The following NUTM1 variants were observed in gnomAD, a reference collection of about 807,000 sequenced individuals.
The protein encoded by NUTM1 is NUT family member 1.
In NUTM1, 39 loss-of-function variants were observed where a neutral mutation model predicts 88.7. The ratio of observed to expected loss-of-function variants is 0.44; its 90% CI spans 0.34 to 0.57. The LOEUF (loss-of-function observed/expected upper bound fraction) is 0.57. Among genes scored for constraint, NUTM1 ranks in the 20% least tolerant of loss-of-function variants. The probability of loss-of-function intolerance (pLI) is 0.01; values close to 1 mark genes in which losing one functional copy is unlikely to be tolerated. For synonymous variants in NUTM1, 494 were observed against 538.0 expected (o/e 0.92, Z 1.13); for missense variants, 1,350 against 1,414.5 (o/e 0.95, Z 0.73).
chr15:34,344,934 C>T lies in NUTM1; in HGVS notation c.7-1008C>T, dbSNP rs150479922. Among the ~76,000 whole-genome samples, 31 of 152,048 alleles carry T rather than the reference C, an allele frequency of 2.0e-4. 1 individual carries two copies. In the East Asian group the frequency reaches 5.4e-3, roughly 27 times the overall value. On this transcript the variant is annotated intron_variant, in intron 1 of 7. Transcript: ENST00000537011. ...TCAGGAGGGTGAGGCAGGACAATGG[C>T]GTGAACCCGGAAGGCGGAGCTTGCA...
chr15:34,354,305 C>A, intron 5 of NUTM1, 141 bp from the exon 6 acceptor site: 2 of 971,812 alleles, frequency 2.1e-6, no homozygotes, highest in Admixed American at 2.2e-5. Flanking sequence ...GCTGAGCTTA[C>A]AGAGCTGGGA....
In NUTM1 at chr15:34,348,137, T is replaced by A. The variant is rs1031832800; in HGVS notation, c.269T>A (p.Met90Lys). 1 of 1,614,198 alleles carries A rather than the reference T, an allele frequency of 6.2e-7. No homozygotes were observed. Among genetic ancestry groups the A allele is most frequent in the African/African-American group, 1.3e-5 (1 of 75,032 alleles). Residue 90 changes from methionine (M) to lysine (K), a missense_variant, in exon 3 of 8, where the codon ATG becomes AAG. Met to Lys is a moderately conservative substitution (Grantham distance 95). This residue lies in a region of NUTM1 where 399 missense variants were observed against 397.9 expected (regional missense o/e 1.00). Transcript: ENST00000537011. ...GTATTCTCTCCAGACAACCCTCTGA[T>A]GCTCTCTGCTTTCCCCAGCTCACTG... Reference protein sequence around the residue: ...PSVFSPDNPLMLSAFPSSLLV... With the variant: ...PSVFSPDNPLKLSAFPSSLLV...
chr15:34,353,670 C>A, intron 4 of NUTM1, 66 bp from the exon 5 acceptor site: 1 of 1,586,082 alleles, frequency 6.3e-7, no homozygotes, highest in South Asian at 1.1e-5. Flanking sequence ...GCTTGGCTGT[C>A]GTCTGGATTT....
chr15:34,352,174 A>G (rs577839897), intron 4 of NUTM1, among the ~76,000 whole-genome samples: 5 of 152,336 alleles, frequency 3.3e-5, no homozygotes, highest in South Asian at 2.1e-4. Flanking sequence ...CTGTCTCAAA[A>G]AAAGAAAGAA....
rs1890816783 is a variant in NUTM1, at chr15:34,356,584, A to G, written c.2576A>G (p.His859Arg). 1 of 1,614,034 alleles carries G rather than the reference A, an allele frequency of 6.2e-7. No homozygotes were observed. Among genetic ancestry groups the G allele is most frequent in the South Asian group, 1.1e-5 (1 of 91,076 alleles). ...NQEQSCETVGHPSDLWAEGCF... is the reference protein window; with the variant it reads ...NQEQSCETVGRPSDLWAEGCF... ...GAACAGAGCTGTGAAACCGTAGGGC[A>G]TCCCAGTGATCTGTGGGCAGAAGGT... is the stretch of plus-strand genomic sequence containing the variant. Residue 859 changes from histidine (H) to arginine (R), a missense_variant, in exon 8 of 8, where the codon CAT becomes CGT. His to Arg is a conservative substitution (Grantham distance 29). Coordinates refer to ENST00000537011, the MANE Select transcript of NUTM1 (RefSeq NM_001284292.2).
intron 3 of NUTM1, 130 bp from the exon 4 acceptor site, chr15:34,350,574 T>G: frequency 9.7e-7 from 1 of 1,027,988 alleles, no homozygotes. Context: ...TAATCAGAAG[T>G]GGGACACGAC....
intron 3 of NUTM1, among the ~76,000 whole-genome samples, chr15:34,349,709 A>T (rs1198063002): frequency 3.3e-5 from 5 of 152,162 alleles, no homozygotes; most frequent in African/African-American, 9.7e-5. Flanking sequence ...CAGTGGCTGA[A>T]CTCCTAAAGG....
Position 34,355,870 on chromosome 15 carries a change from T to G in NUTM1, c.1862T>G (p.Val621Gly). The G allele has an allele frequency of 6.2e-7, 1 of 1,613,810 alleles. No individual in the cohort carries two copies. The highest frequency in any genetic ancestry group is 1.3e-5 in the African/African-American group (1 of 75,012). Residue 621 changes from valine (V) to glycine (G), a missense_variant, in exon 8 of 8, where the codon GTA becomes GGA. Coordinates refer to ENST00000537011, the MANE Select transcript of NUTM1 (RefSeq NM_001284292.2). This position sits in a 1 kb window ranked among gnomAD's most constrained non-coding sequence, Gnocchi z 4.3. ...RRGSGKVINQVSLHQDGHLGG... is the reference protein window; with the variant it reads ...RRGSGKVINQGSLHQDGHLGG... Reference sequence around the variant, plus strand: ...GGGTCTGGGAAGGTTATAAACCAGGTATCTCTACATCAGGATGGCCATCTA... The same window carrying G: ...GGGTCTGGGAAGGTTATAAACCAGGGATCTCTACATCAGGATGGCCATCTA...
chr15:34,357,448 G>A lies in NUTM1; in HGVS notation c.3440G>A (p.Ser1147Asn). ...CAGCCTCGTAAAAGGCGGTGTGACA[G>A]TTTTGTCACGGGCAGAAGGAAGAAA... Reference protein sequence around the residue: ...PSQPRKRRCDSFVTGRRKKRR... With the variant: ...PSQPRKRRCDNFVTGRRKKRR... The change falls in exon 8 of 8, where the codon AGT becomes AAT. Residue 1147 changes from serine to asparagine, a missense_variant. Coordinates refer to ENST00000537011, the MANE Select transcript of NUTM1 (RefSeq NM_001284292.2). 4 of 1,613,198 alleles carry A rather than the reference G, an allele frequency of 2.5e-6. No homozygotes were observed. The highest frequency in any genetic ancestry group is 3.4e-6 in the Non-Finnish European group (4 of 1,179,662).
Position 34,356,084 on chromosome 15 carries a change from AGG to A in NUTM1, c.2080_2081del (p.Gly694SerfsTer26). 6.2e-7 allele frequency: 1 copy of A among 1,613,618 alleles called. No homozygotes were observed. The highest frequency in any genetic ancestry group is 8.5e-7 in the Non-Finnish European group (1 of 1,179,590). Reference protein sequence around the residue: ...VLGLQKGQQTGGRGVLPQGKE... With the variant: ...VLGLQKGQQTXGRGVLPQGKE... ...TGGGATTGCAGAAAGGACAACAAACAGGGGGTCGTGGAGTGCTTCCTCAAGGG... is the reference window on the plus strand; with the variant it reads ...TGGGATTGCAGAAAGGACAACAAACAGGGTCGTGGAGTGCTTCCTCAAGGG... On this transcript the variant is annotated frameshift_variant, in exon 8 of 8. Transcript: ENST00000537011. LOFTEE classifies it high-confidence loss of function.
chr15:34,347,926 T>C lies in NUTM1; in HGVS notation c.101-43T>C, dbSNP rs1270076759. ...GAATTCAGATGGCTAACTCTGGTCT[T>C]CTTTTCTCCTACTCCATTTCTTCTT... On this transcript the variant is annotated intron_variant, in intron 2 of 7. Coordinates refer to ENST00000537011, the MANE Select transcript of NUTM1 (RefSeq NM_001284292.2). 5.6e-6 allele frequency: 7 copies of C among 1,252,942 alleles called. No individual in the cohort carries two copies. The South Asian group carries it at 1.0e-4, about 19-fold the overall frequency. 77.6% of individuals were successfully genotyped at this position (1,252,942 alleles called of 1,614,324 possible).
In NUTM1 at chr15:34,350,694, G is replaced by C. The variant is rs1174976484; in HGVS notation, c.810-10G>C. The stretch of plus-strand genomic sequence containing the variant: ...CTTTTAGAATGTGACTGACTCAATG[G>C]GGGTTTTAGCCCAGTGCTTCGTTCC... On this transcript the variant is annotated splice_polypyrimidine_tract_variant and intron_variant, in intron 3 of 7. Coordinates refer to ENST00000537011, the MANE Select transcript of NUTM1 (RefSeq NM_001284292.2). 1.2e-6 allele frequency: 2 copies of C among 1,609,882 alleles called. No individual in the cohort carries two copies. The highest frequency in any genetic ancestry group is 8.5e-7 in the Non-Finnish European group (1 of 1,179,000).
rs1445265983 is a variant in NUTM1, at chr15:34,348,688, A to G, written c.809+11A>G. 1.3e-6 allele frequency: 2 copies of G among 1,551,116 alleles called. No homozygotes were observed. Among genetic ancestry groups the G allele is most frequent in the Non-Finnish European group, 1.8e-6 (2 of 1,134,566 alleles). Reference sequence around the variant, plus strand: ...TTCCTGTTTTCTTATGTAAGTGGGGAGACCGGAGATTAATTATTCTAGGGC... The same window carrying G: ...TTCCTGTTTTCTTATGTAAGTGGGGGGACCGGAGATTAATTATTCTAGGGC... On this transcript the variant is annotated intron_variant, in intron 3 of 7. Transcript: ENST00000537011.
At position 34,356,831 on chromosome 15, in the gene NUTM1, A is replaced by C. The variant is rs373617109; in HGVS notation, c.2823A>C (p.Gln941His). The C allele has an allele frequency of 2.8e-5, 45 of 1,612,304 alleles. No homozygotes were observed. Among genetic ancestry groups the C allele is most frequent in the Non-Finnish European group, 3.6e-5 (42 of 1,179,762 alleles). ...ILDVKDDCGLQLRVSEDTCPL... is the reference protein window; with the variant it reads ...ILDVKDDCGLHLRVSEDTCPL... Reference sequence around the variant, plus strand: ...ATGTTAAAGATGACTGTGGCCTCCAACTAAGGGTCAGCGAGGACACCTGCC... The same window carrying C: ...ATGTTAAAGATGACTGTGGCCTCCACCTAAGGGTCAGCGAGGACACCTGCC... The change falls in exon 8 of 8, where the codon CAA (glutamine) becomes CAC (histidine). Residue 941 changes from glutamine to histidine, a missense_variant. Coordinates refer to ENST00000537011, the MANE Select transcript of NUTM1 (RefSeq NM_001284292.2).
chr15:34,352,097 G>C (rs1226809640), intron 4 of NUTM1, among the ~76,000 whole-genome samples: 1 of 152,186 alleles, frequency 6.6e-6, no homozygotes, highest in East Asian at 1.9e-4. Context: ...TTGAACCCAG[G>C]AGGCAGAGGT....
rs774126770 is a variant in NUTM1, at chr15:34,356,697, A to G, written c.2689A>G (p.Met897Val). ...PPTCQGNLLI[M>V]GTEDASSLPE... ...CACATGCCAAGGCAATCTCCTTATCATGGGGACTGAGGATGCCTCCTCCTT... is the reference window on the plus strand; with the variant it reads ...CACATGCCAAGGCAATCTCCTTATCGTGGGGACTGAGGATGCCTCCTCCTT... Residue 897 changes from methionine (M) to valine (V), a missense_variant, in exon 8 of 8, where the codon ATG (methionine) becomes GTG (valine). By Grantham distance (21) the Met-to-Val change is conservative. Coordinates refer to ENST00000537011, the MANE Select transcript of NUTM1 (RefSeq NM_001284292.2). The G allele has an allele frequency of 2.5e-6, 4 of 1,613,680 alleles. No individual in the cohort carries two copies. Among genetic ancestry groups the G allele is most frequent in the African/African-American group, 1.3e-5 (1 of 74,814 alleles).
At position 34,356,455 on chromosome 15, in the gene NUTM1, G is replaced by C. The variant is rs1203399207; in HGVS notation, c.2447G>C (p.Cys816Ser). The stretch of plus-strand genomic sequence containing the variant: ...GATACGGAGAGCAGTGTGATTCCCT[G>C]TGGAGGCACAGTTGCGGCAGCTGCC... ...PGDTESSVIP[C>S]GGTVAAAALE... Residue 816 changes from cysteine to serine, a missense_variant, in exon 8 of 8, where the codon TGT becomes TCT. Physicochemically the swap from Cys to Ser is moderately radical, Grantham distance 112. Coordinates refer to ENST00000537011, the MANE Select transcript of NUTM1 (RefSeq NM_001284292.2). 1.2e-6 allele frequency: 2 copies of C among 1,612,502 alleles called. No homozygotes were observed. The highest frequency in any genetic ancestry group is 2.7e-5 in the African/African-American group (2 of 74,882).
intron 4 of NUTM1, among the ~76,000 whole-genome samples, chr15:34,351,195 TC>T (rs1890701527): frequency 8.8e-6 from 1 of 113,618 alleles, no homozygotes; most frequent in African/African-American, 3.4e-5. Flanking sequence ...GCCTCTGCAC[TC>T]CAGCATGGGT....
At position 34,346,881 on chromosome 15, in the gene NUTM1, T is replaced by TAAAAAAAAAAAAAAA. The variant is rs10671676; in HGVS notation, c.100+858_100+872dup. On this transcript the variant is annotated intron_variant, in intron 2 of 7. Transcript: ENST00000537011. The stretch of plus-strand genomic sequence containing the variant: ...ATGGGCCACAGAGCAAGACTCCATC[T>TAAAAAAAAAAAAAAA]AAAAAAAAAAAAAAAAAAAAAAAAA... 1.2e-4 allele frequency among the ~76,000 whole-genome samples: 4 copies of TAAAAAAAAAAAAAAA among 34,324 alleles called. 2 individuals carry two copies. The highest frequency in any genetic ancestry group is 9.6e-5 in the Non-Finnish European group (2 of 20,752). The allele number at this position is 34,324 out of a possible 152,430, so 22.5% of individuals were successfully genotyped here.
Sources: allele counts gnomAD v4.1 joint callset (sites outside exome capture counted in the v4.1 genomes callset), GRCh38; gene constraint gnomAD v4.1.1; regional missense constraint gnomAD v4.1.1; non-coding constraint Gnocchi (gnomAD v3.1); transcripts MANE v1.5; gene names NCBI Gene and HGNC (gene_info 2026-07-23, HGNC 2026-07-21).